Variants in BIRC6 observed in about 807,000 individuals in gnomAD.
The protein encoded by BIRC6 is baculoviral IAP repeat containing 6.
Under a neutral mutation model 503.3 loss-of-function variants are expected in BIRC6, and 98 were observed. That is an observed-to-expected ratio of 0.19 (90% CI 0.17 to 0.23). The LOEUF (loss-of-function observed/expected upper bound fraction) is 0.23, where lower values mean the gene tolerates loss of function less well. BIRC6 is among the 10% of genes least tolerant of loss of function. BIRC6 has a pLI of 1.00. For missense variants in BIRC6, 5,360 were observed against 5,806.0 expected (o/e 0.92, Z 2.50); for synonymous variants, 2,240 against 2,078.7 (o/e 1.08, Z -2.11).
intron 3 of BIRC6, among the ~76,000 whole-genome samples, chr2:32,384,831 A>G (rs551938070): frequency 1.8e-4 from 27 of 152,324 alleles, no homozygotes; most frequent in African/African-American, 6.3e-4. Flanking sequence ...ACTGTCATGT[A>G]TATAATGTGT....
chr2:32,475,415 G>T (rs1213048958), intron 33 of BIRC6, among the ~76,000 whole-genome samples: 3 of 152,056 alleles, frequency 2.0e-5, no homozygotes, highest in Admixed American at 6.6e-5. Flanking sequence ...ACTGCTGATT[G>T]CTGTTGTTTA....
At chr2:32,525,741 T>C in intron 59 of BIRC6, 113 bp downstream of exon 59, 11 of 1,004,818 alleles carry the variant, frequency 1.1e-5, no homozygotes, top group Non-Finnish European at 1.6e-5. Flanking sequence ...ATGAGATCAG[T>C]GAGTTAGTGA....
At chr2:32,420,836 A>G (rs2042855896) in intron 10 of BIRC6, among the ~76,000 whole-genome samples, 1 of 151,486 alleles carries the variant, frequency 6.6e-6, no homozygotes, top group Non-Finnish European at 1.5e-5. Context: ...TAATATTTGT[A>G]GACTCTTTAG....
At chr2:32,501,682 C>A in intron 46 of BIRC6, 31 bp from the exon 47 acceptor site, 1 of 1,586,430 alleles carries the variant, frequency 6.3e-7, no homozygotes. Context: ...GATATATATA[C>A]TTTTAATGTG....
intron 60 of BIRC6, 70 bp from the exon 61 acceptor site, chr2:32,531,285 T>C: frequency 7.5e-7 from 1 of 1,334,144 alleles, no homozygotes; most frequent in Non-Finnish European, 1.0e-6. Flanking sequence ...TACCTGCTTT[T>C]GTAAATGAAA....
At chr2:32,398,378 A>G (rs932711885) in intron 6 of BIRC6, among the ~76,000 whole-genome samples, 2 of 152,196 alleles carry the variant, frequency 1.3e-5, no homozygotes, top group African/African-American at 4.8e-5. Flanking sequence ...ATGAACAGTA[A>G]GATCTCTGTT....
chr2:32,462,494 A>G (rs575597884), intron 23 of BIRC6, among the ~76,000 whole-genome samples: 33 of 152,298 alleles, frequency 2.2e-4, no homozygotes, highest in Admixed American at 1.0e-3. Context: ...TGTGTGGGAT[A>G]TGCCTCTCTC....
At chr2:32,393,336 C>G (rs535776539) in intron 5 of BIRC6, among the ~76,000 whole-genome samples, 68 of 151,980 alleles carry the variant, frequency 4.5e-4, no homozygotes, top group Non-Finnish European at 7.8e-4. Context: ...TTATAAAAAG[C>G]TTTGCTGAAT....
At chr2:32,503,375 G>T in intron 49 of BIRC6, 139 bp downstream of exon 49, 2 of 726,908 alleles carry the variant, frequency 2.8e-6, no homozygotes, top group Non-Finnish European at 4.5e-6. Flanking sequence ...AGAGGTAGTG[G>T]ATATCTCGAC....
At chr2:32,405,144 C>T (rs2041054468) in intron 8 of BIRC6, among the ~76,000 whole-genome samples, 1 of 152,106 alleles carries the variant, frequency 6.6e-6, no homozygotes, top group African/African-American at 2.4e-5. Context: ...CTTTAATGGG[C>T]AGCCATTCTA....
rs775051124 is a variant in BIRC6 at position 32,469,496 on chromosome 2, C to T, written c.6229C>T (p.His2077Tyr). ...CISGTPKIRL[H>Y]TGLLLVQLCG... ...CAGTGGAACCCCAAAGATACGGTTA[C>T]ATACTGGTCTTCTTCTTGTTCAACT... is the stretch of plus-strand genomic sequence containing the variant. The change falls in exon 30 of 74, where the codon CAT (histidine) becomes TAT (tyrosine). Residue 2077 changes from histidine (H) to tyrosine (Y), a missense_variant. Transcript: ENST00000421745. 6.2e-7 allele frequency: 1 copy of T among 1,613,886 alleles called. No homozygotes were observed. Among genetic ancestry groups the T allele is most frequent in the Admixed American group, 1.7e-5 (1 of 60,014 alleles).
rs143236929 is a variant in BIRC6, at chr2:32,617,767, T to G, written c.14437T>G (p.Cys4813Gly). ...CCGCGAAGAGTTGCTGAAACTTCCC[T>G]GCCCTGAAGGCTTGGATCCTGACAC... ...QLREELLKLP[C>G]PEGLDPDTDD... Residue 4813 changes from cysteine to glycine, a missense_variant, in exon 74 of 74, where the codon TGC becomes GGC. Cys to Gly is a radical substitution (Grantham distance 159). This residue lies in a region of BIRC6 where 140 missense variants were observed against 130.2 expected (regional missense o/e 1.07). Coordinates refer to ENST00000421745, the MANE Select transcript of BIRC6 (RefSeq NM_016252.4). 6.2e-7 allele frequency: 1 copy of G among 1,614,046 alleles called. No homozygotes were observed.
chr2:32,494,383 A>G (rs1424785519), intron 45 of BIRC6, among the ~76,000 whole-genome samples: 1 of 151,648 alleles, frequency 6.6e-6, no homozygotes, highest in Non-Finnish European at 1.5e-5. Context: ...ACGCACCACC[A>G]CACCCAGCTA....
intron 1 of BIRC6, among the ~76,000 whole-genome samples, chr2:32,368,742 C>T (rs1384082496): frequency 6.6e-6 from 1 of 152,008 alleles, no homozygotes; most frequent in Non-Finnish European, 1.5e-5. Flanking sequence ...ACGTCTTCCT[C>T]CTGGGTTCAA....
At position 32,561,009 on chromosome 2, in the gene BIRC6, C is replaced by T. The variant is rs573122463; in HGVS notation, c.13144+11528C>T. Among the ~76,000 whole-genome samples, 27 of 151,874 alleles carry T rather than the reference C, an allele frequency of 1.8e-4. 1 individual carries two copies. In the South Asian group the frequency reaches 5.2e-3, roughly 29 times the overall value. On this transcript the variant is annotated intron_variant, in intron 65 of 73. Coordinates refer to ENST00000421745, the MANE Select transcript of BIRC6 (RefSeq NM_016252.4). ...GGTCAGGAGGTCGAGACCAGCCTGGCCAACATAGTGAAACCCCATCTCTAC... is the reference window on the plus strand; with the variant it reads ...GGTCAGGAGGTCGAGACCAGCCTGGTCAACATAGTGAAACCCCATCTCTAC...
At chr2:32,507,948 T>G in intron 50 of BIRC6, 32 bp from the exon 51 acceptor site, 1 of 1,596,524 alleles carries the variant, frequency 6.3e-7, no homozygotes, top group South Asian at 1.1e-5. Flanking sequence ...ATACTTTGTC[T>G]TTTGTGATGA....
chr2:32,542,016 T>C (rs1241889540), intron 61 of BIRC6, among the ~76,000 whole-genome samples: 1 of 152,148 alleles, frequency 6.6e-6, no homozygotes, highest in Non-Finnish European at 1.5e-5. Flanking sequence ...CATTTTGTTG[T>C]CTTGTAGTCT....
chr2:32,560,676 G>A (rs1457319705), intron 65 of BIRC6, among the ~76,000 whole-genome samples: 2 of 151,950 alleles, frequency 1.3e-5, no homozygotes, highest in Non-Finnish European at 2.9e-5. Flanking sequence ...CAATTCTTAG[G>A]CTCAAACATC....
chr2:32,512,715 T>G (rs1453938373), intron 53 of BIRC6, among the ~76,000 whole-genome samples: 1 of 152,166 alleles, frequency 6.6e-6, no homozygotes, highest in Non-Finnish European at 1.5e-5. Flanking sequence ...TTTTGATGGT[T>G]GAAATTGGTA....
Sources: gnomAD v4.1 joint callset for allele counts (sites outside exome capture counted in the v4.1 genomes callset) on GRCh38, gnomAD v4.1.1 for gene constraint, gnomAD v4.1.1 regional missense constraint, MANE v1.5 for transcripts, NCBI Gene and HGNC (gene_info 2026-07-23, HGNC 2026-07-21) for gene names.